XKR4: variants seen among roughly 807,000 people sequenced by gnomAD.
The protein encoded by XKR4 is XK-related protein 4.
XKR4 carries 12 observed loss-of-function variants against 53.9 expected under a neutral mutation model. The ratio of observed to expected loss-of-function variants is 0.22; its 90% confidence interval spans 0.14 to 0.36. The LOEUF (loss-of-function observed/expected upper bound fraction) is 0.36. Ranked by LOEUF, XKR4 falls within the 10% of genes least tolerant of loss-of-function variation. XKR4 has a pLI of 1.00. For missense variants in XKR4, 799 were observed against 859.5 expected (o/e 0.93, Z 0.88); for synonymous variants, 354 against 362.4 (o/e 0.98, Z 0.26).
chr8:55,369,605 G>A (rs1268260537), intron 2 of XKR4, among the ~76,000 whole-genome samples: 1 of 151,780 alleles, frequency 6.6e-6, no homozygotes, highest in Non-Finnish European at 1.5e-5. Flanking sequence ...TAAAAATCTT[G>A]CCCCTAAGAA....
intron 1 of XKR4, among the ~76,000 whole-genome samples, chr8:55,242,189 A>G (rs1818219709): frequency 1.3e-5 from 2 of 152,114 alleles, no homozygotes; most frequent in Non-Finnish European, 2.9e-5. Flanking sequence ...GTCCCCCATA[A>G]GGTTTCAAAA....
At chr8:55,214,055 T>A (rs937520650) in intron 1 of XKR4, among the ~76,000 whole-genome samples, 1 of 151,918 alleles carries the variant, frequency 6.6e-6, no homozygotes, top group Non-Finnish European at 1.5e-5. Context: ...AGAGACAGGG[T>A]TTCACCATGT....
At chr8:55,190,926 C>T (rs998385042) in intron 1 of XKR4, among the ~76,000 whole-genome samples, 1 of 152,182 alleles carries the variant, frequency 6.6e-6, no homozygotes, top group East Asian at 1.9e-4. Flanking sequence ...TCTCTCACTT[C>T]GTCTTATGTG....
chr8:55,307,234 C>T (rs1586001576), intron 1 of XKR4, among the ~76,000 whole-genome samples: 1 of 152,108 alleles, frequency 6.6e-6, no homozygotes. Flanking sequence ...TATTTGCAGA[C>T]CAGATACCCA....
chr8:55,262,879 AG>A (rs1014236791), intron 1 of XKR4, among the ~76,000 whole-genome samples: 201 of 152,190 alleles, frequency 1.3e-3, no homozygotes, highest in African/African-American at 4.7e-3. Flanking sequence ...GATGCACCAA[AG>A]GATTGTGGAT....
intron 1 of XKR4, among the ~76,000 whole-genome samples, chr8:55,213,605 G>A (rs539820466): frequency 6.6e-6 from 1 of 152,104 alleles, no homozygotes; most frequent in Non-Finnish European, 1.5e-5. Context: ...CTGGCTCCCA[G>A]GCAAGAAGGG....
At chr8:55,383,710 G>T (rs1475381693) in intron 2 of XKR4, among the ~76,000 whole-genome samples, 2 of 152,038 alleles carry the variant, frequency 1.3e-5, no homozygotes, top group African/African-American at 2.4e-5. Flanking sequence ...GGCCTTTAAA[G>T]TTCCATTATT....
At chr8:55,179,103 G>A (rs1817274491) in intron 1 of XKR4, among the ~76,000 whole-genome samples, 1 of 152,108 alleles carries the variant, frequency 6.6e-6, no homozygotes, top group Admixed American at 6.5e-5. Context: ...TGAAATCAGA[G>A]ATTGATTGGT....
At chr8:55,226,777 T>C (rs1022357560) in intron 1 of XKR4, among the ~76,000 whole-genome samples, 1 of 152,174 alleles carries the variant, frequency 6.6e-6, no homozygotes, top group Non-Finnish European at 1.5e-5. Flanking sequence ...CCACCTTCCT[T>C]TAATACCTCT....
At chr8:55,509,607 T>C (rs1187387102) in intron 2 of XKR4, among the ~76,000 whole-genome samples, 1 of 152,120 alleles carries the variant, frequency 6.6e-6, no homozygotes, top group Admixed American at 6.5e-5. Context: ...CCATGACAAA[T>C]ATGGAAGTAA....
intron 1 of XKR4, among the ~76,000 whole-genome samples, chr8:55,351,716 G>GC (rs1163762616): frequency 2.0e-5 from 3 of 152,070 alleles, no homozygotes; most frequent in Admixed American, 6.5e-5. Flanking sequence ...AACATCACTG[G>GC]CCCCCCTGAT....
At chr8:55,475,938 G>A (rs539724107) in intron 2 of XKR4, among the ~76,000 whole-genome samples, 3 of 151,914 alleles carry the variant, frequency 2.0e-5, no homozygotes, top group Admixed American at 6.6e-5. Context: ...GTAGACACAG[G>A]GTTTTGCCAA....
chr8:55,251,270 C>T (rs542306052), intron 1 of XKR4, among the ~76,000 whole-genome samples: 1 of 152,100 alleles, frequency 6.6e-6, no homozygotes, highest in Non-Finnish European at 1.5e-5. Flanking sequence ...CTGTTTTTAC[C>T]AATGTTATTA....
At chr8:55,429,648 T>C (rs940873044) in intron 2 of XKR4, among the ~76,000 whole-genome samples, 19 of 151,830 alleles carry the variant, frequency 1.3e-4, no homozygotes, top group African/African-American at 4.4e-4. Flanking sequence ...GAAGGATCAC[T>C]TGAACCCAAG....
intron 1 of XKR4, among the ~76,000 whole-genome samples, chr8:55,141,549 C>A (rs1309699361): frequency 3.3e-5 from 5 of 152,152 alleles, no homozygotes; most frequent in Non-Finnish European, 7.4e-5. Context: ...CCAGGGGAAC[C>A]CCAGTGCAGG....
At chr8:55,169,050 A>C (rs1177442614) in intron 1 of XKR4, among the ~76,000 whole-genome samples, 1 of 152,110 alleles carries the variant, frequency 6.6e-6, no homozygotes, top group East Asian at 1.9e-4. Context: ...TTCTGGTCCA[A>C]TTTTTATCTT....
chr8:55,157,139 T>G (rs1223480107), intron 1 of XKR4, among the ~76,000 whole-genome samples: 1 of 152,242 alleles, frequency 6.6e-6, no homozygotes, highest in Admixed American at 6.5e-5. Flanking sequence ...ATGTCTGACT[T>G]AAGGCAAATC....
intron 1 of XKR4, among the ~76,000 whole-genome samples, chr8:55,290,092 T>C (rs1818997144): frequency 6.6e-6 from 1 of 152,008 alleles, no homozygotes; most frequent in Non-Finnish European, 1.5e-5. Flanking sequence ...TGACCAATAA[T>C]ATTGAATTTT....
At chr8:55,243,843 C>T (rs1818244306) in intron 1 of XKR4, among the ~76,000 whole-genome samples, 3 of 152,178 alleles carry the variant, frequency 2.0e-5, no homozygotes. Context: ...AGGTGACGGT[C>T]GGATCTCCCT....
Sources: allele counts gnomAD v4.1 joint callset (sites outside exome capture counted in the v4.1 genomes callset), GRCh38; gene constraint gnomAD v4.1.1; transcripts MANE v1.5; gene names NCBI Gene and HGNC (gene_info 2026-07-23, HGNC 2026-07-21).